Variants in GLRA1 observed in about 807,000 individuals in gnomAD.
GLRA1 encodes the protein glycine receptor subunit alpha-1.
In GLRA1, 37 loss-of-function variants were observed where a neutral mutation model predicts 48.3. The observed-to-expected ratio is 0.77, with a 90% CI of 0.59 to 1.01. The LOEUF (loss-of-function observed/expected upper bound fraction) is 1.01. Among genes scored for constraint, GLRA1 ranks in the 50% least tolerant of loss-of-function variants. The pLI is 0.00. For synonymous variants in GLRA1, 196 were observed against 210.7 expected, an observed-to-expected ratio of 0.93 and a Z score of 0.60; for missense variants, 427 against 571.0, an observed-to-expected ratio of 0.75 and a Z score of 2.57.
chr5:151,882,719 T>C (rs1753788849), intron 3 of GLRA1, among the ~76,000 whole-genome samples: 1 of 151,450 alleles, frequency 6.6e-6, no homozygotes, highest in Non-Finnish European at 1.5e-5. Context: ...GGCAATTTCT[T>C]AAGTTTTTTT....
chr5:151,848,828 A>T, intron 7 of GLRA1: 1 of 502,566 alleles, frequency 2.0e-6, no homozygotes, highest in South Asian at 2.1e-5. Context: ...TCCTCACCTC[A>T]CTCTCATGGC....
chr5:151,846,541 G>A (rs1285987356), intron 7 of GLRA1, among the ~76,000 whole-genome samples: 1 of 152,224 alleles, frequency 6.6e-6, no homozygotes, highest in Admixed American at 6.5e-5. Flanking sequence ...ATGCTGCAGA[G>A]AGCATATTGT....
At chr5:151,840,239 G>A (rs1489320850) in intron 7 of GLRA1, among the ~76,000 whole-genome samples, 2 of 151,964 alleles carry the variant, frequency 1.3e-5, no homozygotes, top group Admixed American at 6.6e-5. Flanking sequence ...GACTACAGCT[G>A]TATGCCATTC....
chr5:151,828,870 C>G, intron 8 of GLRA1, 51 bp downstream of exon 8: 2 of 1,566,498 alleles, frequency 1.3e-6, no homozygotes, highest in Non-Finnish European at 8.7e-7. Flanking sequence ...GCTTAGAACT[C>G]TTTTGTTTAC....
chr5:151,899,834 A>C (rs1043908966), intron 1 of GLRA1, among the ~76,000 whole-genome samples: 3 of 152,094 alleles, frequency 2.0e-5, no homozygotes, highest in African/African-American at 7.2e-5. Flanking sequence ...TCAGGGTCTT[A>C]TGGAACAAGA....
At chr5:151,844,800 G>C (rs1175398352) in intron 7 of GLRA1, among the ~76,000 whole-genome samples, 1 of 151,918 alleles carries the variant, frequency 6.6e-6, no homozygotes, top group South Asian at 2.1e-4. Context: ...TACTTCAAAA[G>C]AATATCTAAG....
chr5:151,839,794 C>T (rs1763668155), intron 7 of GLRA1, among the ~76,000 whole-genome samples: 1 of 152,172 alleles, frequency 6.6e-6, no homozygotes, highest in South Asian at 2.1e-4. Flanking sequence ...AAGTGGTCAT[C>T]TGCAAACCTG....
intron 3 of GLRA1, 22 bp downstream of exon 3, chr5:151,886,699 G>C (rs760408391): frequency 6.5e-6 from 10 of 1,535,684 alleles, no homozygotes; most frequent in Non-Finnish European, 9.0e-6. Context: ...GGAACTAACA[G>C]CTTGTGTTTT....
intron 3 of GLRA1, among the ~76,000 whole-genome samples, chr5:151,877,429 T>C (rs1356902184): frequency 6.6e-6 from 1 of 152,092 alleles, no homozygotes; most frequent in Non-Finnish European, 1.5e-5. Context: ...ATGTAAGACA[T>C]TAATTAATAA....
At chr5:151,924,426 AG>A (rs1754956428) in intron 1 of GLRA1, 67 bp downstream of exon 1, 3 of 949,274 alleles carry the variant, frequency 3.2e-6, no homozygotes, top group Non-Finnish European at 5.2e-6. Flanking sequence ...GACCACGGAC[AG>A]AGGTAGCCTC....
In GLRA1 at chr5:151,822,644, T is replaced by C; in HGVS notation, c.*29A>G. ...CCTGTGCTATTCCCACGTTCCCCTC[T>C]CCCAGCCTCCCCCAACCTTTCAGAC... is the stretch of plus-strand genomic sequence containing the variant. On this transcript the variant is annotated 3_prime_UTR_variant, in exon 9 of 9. Transcript: ENST00000274576. 1 of 1,538,058 alleles carries C rather than the reference T, an allele frequency of 6.5e-7. No homozygotes were observed. Among genetic ancestry groups the C allele is most frequent in the South Asian group, 1.1e-5 (1 of 89,376 alleles).
chr5:151,916,839 G>A (rs1239630795), intron 1 of GLRA1, among the ~76,000 whole-genome samples: 1 of 152,154 alleles, frequency 6.6e-6, no homozygotes, highest in East Asian at 1.9e-4. Flanking sequence ...CTGTGTGAAT[G>A]AGAGCTTTTG....
At chr5:151,865,737 G>A (rs982658980) in intron 3 of GLRA1, among the ~76,000 whole-genome samples, 2 of 152,058 alleles carry the variant, frequency 1.3e-5, no homozygotes, top group Admixed American at 6.5e-5. Context: ...TTCATAATGA[G>A]TCTCTCATTA....
At chr5:151,881,722 G>A (rs1753768284) in intron 3 of GLRA1, among the ~76,000 whole-genome samples, 1 of 152,196 alleles carries the variant, frequency 6.6e-6, no homozygotes, top group African/African-American at 2.4e-5. Flanking sequence ...TTAAAGGACA[G>A]GCAGTCTCAG....
chr5:151,841,090 T>TGCA (rs1272155648), intron 7 of GLRA1, among the ~76,000 whole-genome samples: 3 of 152,116 alleles, frequency 2.0e-5, no homozygotes, highest in Non-Finnish European at 4.4e-5. Flanking sequence ...TCTTCTGAAG[T>TGCA]GCACCATGGA....
intron 3 of GLRA1, among the ~76,000 whole-genome samples, chr5:151,864,391 C>T (rs560460446): frequency 5.9e-5 from 9 of 152,306 alleles, no homozygotes; most frequent in Admixed American, 5.9e-4. Context: ...TCACAAAATC[C>T]CTGCAAGCTA....
At chr5:151,823,570 C>G (rs1286625044) in intron 8 of GLRA1, among the ~76,000 whole-genome samples, 2 of 152,202 alleles carry the variant, frequency 1.3e-5, no homozygotes, top group African/African-American at 4.8e-5. Context: ...TTCCGTTCTA[C>G]AAGCCAGGGA....
chr5:151,890,924 G>A (rs573055896), intron 2 of GLRA1, among the ~76,000 whole-genome samples: 2 of 152,224 alleles, frequency 1.3e-5, no homozygotes, highest in Non-Finnish European at 2.9e-5. Context: ...AATGGGGAGA[G>A]TGGGCCCAAA....
intron 4 of GLRA1, 62 bp downstream of exon 4, chr5:151,859,723 C>T (rs955880571): frequency 1.6e-6 from 2 of 1,242,782 alleles, no homozygotes; most frequent in Admixed American, 1.7e-5. Context: ...AGTCTATGCC[C>T]AGAAGGTAGT....
Sources: gnomAD v4.1 joint callset for allele counts (sites outside exome capture counted in the v4.1 genomes callset) on GRCh38, gnomAD v4.1.1 for gene constraint, MANE v1.5 for transcripts, NCBI Gene and HGNC (gene_info 2026-07-23, HGNC 2026-07-21) for gene names.